STARD9: variants seen among roughly 807,000 people sequenced by gnomAD.
The protein encoded by STARD9 is stAR-related lipid transfer protein 9.
Under a neutral mutation model 399.8 loss-of-function variants are expected in STARD9, and 346 were observed. The ratio of observed to expected loss-of-function variants is 0.87; its 90% CI spans 0.79 to 0.95. The LOEUF is 0.95. Among genes scored for constraint, STARD9 ranks in the 40% least tolerant of loss-of-function variants. The probability of loss-of-function intolerance (pLI) is 0.00; values close to 1 mark genes in which losing one functional copy is unlikely to be tolerated. For synonymous variants in STARD9, 2,203 were observed against 2,143.5 expected, an observed-to-expected ratio of 1.03 and a Z score of -0.77; for missense variants, 5,832 against 5,667.5, an observed-to-expected ratio of 1.03 and a Z score of -0.93.
chr15:42,684,662 T>C lies in STARD9; in HGVS notation c.3084T>C (p.Phe1028=), dbSNP rs1262037393. The change falls in exon 23 of 33, where the codon TTT becomes TTC. Residue 1028 remains phenylalanine, a synonymous_variant. Coordinates refer to ENST00000290607, the MANE Select transcript of STARD9 (RefSeq NM_020759.3). ...TAGHGKAVKT[F]WTEYKPPSPS... ...GGCACGGAAAGGCAGTCAAGACTTT[T>C]TGGACAGAATACAAACCACCTTCTC... The C allele has an allele frequency of 1.3e-6, 2 of 1,537,120 alleles. No individual in the cohort carries two copies. Among genetic ancestry groups the C allele is most frequent in the Admixed American group, 3.9e-5 (2 of 50,988 alleles).
intron 26 of STARD9, among the ~76,000 whole-genome samples, chr15:42,710,227 T>A (rs1410524187): frequency 6.6e-6 from 1 of 150,862 alleles, no homozygotes; most frequent in Non-Finnish European, 1.5e-5. Context: ...GCCCGGGTAC[T>A]TTTGTATTTT....
In STARD9 at chr15:42,687,252, C is replaced by G; in HGVS notation, c.5674C>G (p.Gln1892Glu). ...PALEGGEVTA[Q>E]SCCGASSDST... ...ACTTGAGGGAGGAGAGGTCACTGCTCAGTCCTGTTGCGGTGCTTCCTCAGA... is the reference window on the plus strand; with the variant it reads ...ACTTGAGGGAGGAGAGGTCACTGCTGAGTCCTGTTGCGGTGCTTCCTCAGA... The change falls in exon 23 of 33, where the codon CAG becomes GAG. Residue 1892 changes from glutamine to glutamate, a missense_variant. Physicochemically the swap from Gln to Glu is conservative, Grantham distance 29. Coordinates refer to ENST00000290607, the MANE Select transcript of STARD9 (RefSeq NM_020759.3). The G allele has an allele frequency of 6.5e-7, 1 of 1,537,030 alleles. No individual in the cohort carries two copies.
intron 3 of STARD9, among the ~76,000 whole-genome samples, chr15:42,593,904 A>G (rs1595597028): frequency 2.0e-5 from 3 of 151,670 alleles, no homozygotes; most frequent in African/African-American, 7.3e-5. Context: ...TCCTGACCTC[A>G]TGATCCGCCC....
intron 26 of STARD9, among the ~76,000 whole-genome samples, chr15:42,696,603 G>GT (rs1255493465): frequency 6.6e-6 from 1 of 152,186 alleles, no homozygotes; most frequent in Non-Finnish European, 1.5e-5. Context: ...TGACTGGATA[G>GT]TAAGAAAAGG....
At chr15:42,643,280 T>C (rs2059576525) in intron 7 of STARD9, among the ~76,000 whole-genome samples, 1 of 151,954 alleles carries the variant, frequency 6.6e-6, no homozygotes, top group South Asian at 2.1e-4. Context: ...CACTGCAACC[T>C]CTGCCTTCCA....
chr15:42,637,079 T>A (rs201745830), intron 4 of STARD9, among the ~76,000 whole-genome samples: 12 of 144,304 alleles, frequency 8.3e-5, no homozygotes, highest in South Asian at 2.2e-4. Flanking sequence ...AAATAATAAT[T>A]AAAAAAAAAA....
intron 26 of STARD9, among the ~76,000 whole-genome samples, chr15:42,710,943 T>C (rs767477655): frequency 1.3e-5 from 2 of 151,988 alleles, no homozygotes; most frequent in South Asian, 4.1e-4. Context: ...CCCTGTCTGT[T>C]TGTCCCCGTG....
intron 3 of STARD9, among the ~76,000 whole-genome samples, chr15:42,601,172 A>G (rs1345893632): frequency 1.3e-5 from 2 of 152,116 alleles, no homozygotes; most frequent in African/African-American, 4.8e-5. Flanking sequence ...TTCAGAGAGC[A>G]CGGGTTGGGG....
At chr15:42,609,297 T>C (rs187035072) in intron 3 of STARD9, among the ~76,000 whole-genome samples, 69 of 152,318 alleles carry the variant, frequency 4.5e-4, no homozygotes, top group Middle Eastern at 3.4e-3. Flanking sequence ...AAGTCCTCTC[T>C]CTAACCCTGG....
chr15:42,582,602 A>G (rs1416811462), intron 1 of STARD9, among the ~76,000 whole-genome samples: 1 of 152,192 alleles, frequency 6.6e-6, no homozygotes, highest in Admixed American at 6.5e-5. Flanking sequence ...AGAGGATTCC[A>G]ATACTTTTTT....
At chr15:42,616,590 T>C (rs1479147116) in intron 3 of STARD9, among the ~76,000 whole-genome samples, 1 of 152,084 alleles carries the variant, frequency 6.6e-6, no homozygotes, top group Admixed American at 6.6e-5. Context: ...TTCATTTTTC[T>C]CATAGGAAAG....
Position 42,688,818 on chromosome 15 carries a change from A to C in STARD9, c.7240A>C (p.Met2414Leu), listed in dbSNP as rs1029392301. ...TGCCTGGTGTGGGTCTGTGCGATCCATGGCCATGGGATCTCATAGTCAATC... is the reference window on the plus strand; with the variant it reads ...TGCCTGGTGTGGGTCTGTGCGATCCCTGGCCATGGGATCTCATAGTCAATC... ...HTAWCGSVRSMAMGSHSQSGV... is the reference protein window; with the variant it reads ...HTAWCGSVRSLAMGSHSQSGV... The change falls in exon 23 of 33, where the codon ATG (methionine) becomes CTG (leucine). Residue 2414 changes from methionine (M) to leucine (L), a missense_variant. Coordinates refer to ENST00000290607, the MANE Select transcript of STARD9 (RefSeq NM_020759.3). 1 of 1,537,382 alleles carries C rather than the reference A, an allele frequency of 6.5e-7. No individual in the cohort carries two copies. Among genetic ancestry groups the C allele is most frequent in the Admixed American group, 2.0e-5 (1 of 51,006 alleles).
At chr15:42,658,288 G>GGTGTGTGTGTGTGT (rs56286330) in intron 9 of STARD9, among the ~76,000 whole-genome samples, 26 of 145,956 alleles carry the variant, frequency 1.8e-4, no homozygotes, top group South Asian at 1.1e-3. Flanking sequence ...GGGACTTACA[G>GGTGTGTGTGTGTGT]GTGTGTGTGT....
At chr15:42,706,964 C>G (rs2061101453) in intron 26 of STARD9, among the ~76,000 whole-genome samples, 1 of 151,912 alleles carries the variant, frequency 6.6e-6, no homozygotes, top group Admixed American at 6.6e-5. Flanking sequence ...ATTTATGATT[C>G]TGATATACTA....
At chr15:42,586,094 G>T (rs2058272429) in intron 3 of STARD9, among the ~76,000 whole-genome samples, 1 of 152,234 alleles carries the variant, frequency 6.6e-6, no homozygotes, top group Non-Finnish European at 1.5e-5. Context: ...AGACATCAAA[G>T]TTGGCTAGTG....
At chr15:42,717,482 T>C (rs2061372030) in intron 28 of STARD9, among the ~76,000 whole-genome samples, 1 of 151,712 alleles carries the variant, frequency 6.6e-6, no homozygotes, top group South Asian at 2.1e-4. Flanking sequence ...AAAAGATAGC[T>C]GGGTGTGGTG....
intron 3 of STARD9, among the ~76,000 whole-genome samples, chr15:42,624,850 T>G (rs994085484): frequency 3.3e-5 from 5 of 152,180 alleles, no homozygotes; most frequent in African/African-American, 7.2e-5. Context: ...ATTTTCATAG[T>G]GAATACACAA....
intron 7 of STARD9, among the ~76,000 whole-genome samples, chr15:42,647,539 G>T (rs1039534823): frequency 1.4e-4 from 22 of 151,984 alleles, no homozygotes; most frequent in Admixed American, 1.4e-3. Context: ...ACTTTGTCAG[G>T]CATTAACGAA....
intron 3 of STARD9, among the ~76,000 whole-genome samples, chr15:42,614,580 C>T (rs2058918487): frequency 6.6e-6 from 1 of 152,168 alleles, no homozygotes; most frequent in Non-Finnish European, 1.5e-5. Context: ...AAAATTGTTA[C>T]AGCTTTTGGG....
Sources: gnomAD v4.1 joint callset for allele counts (sites outside exome capture counted in the v4.1 genomes callset) on GRCh38, gnomAD v4.1.1 for gene constraint, MANE v1.5 for transcripts, NCBI Gene and HGNC (gene_info 2026-07-23, HGNC 2026-07-21) for gene names.